The following LPP variants were observed in gnomAD, a reference collection of about 807,000 sequenced individuals.
LPP encodes LIM domain containing preferred translocation partner in lipoma.
Under a neutral mutation model 60.4 loss-of-function variants are expected in LPP, and 38 were observed. That is an observed-to-expected ratio of 0.63 (90% CI 0.49 to 0.83). The LOEUF (loss-of-function observed/expected upper bound fraction) is 0.83, where lower values mean the gene tolerates loss of function less well. Among genes scored for constraint, LPP ranks in the 40% least tolerant of loss-of-function variants. The probability of loss-of-function intolerance (pLI) is 0.00; values close to 1 mark genes in which losing one functional copy is unlikely to be tolerated. For missense variants in LPP, 902 were observed against 783.6 expected (o/e 1.15, Z -1.80); for synonymous variants, 328 against 290.8 (o/e 1.13, Z -1.30).
intron 9 of LPP, among the ~76,000 whole-genome samples, chr3:188,781,180 T>C (rs1560195477): frequency 6.6e-6 from 1 of 152,220 alleles, no homozygotes; most frequent in African/African-American, 2.4e-5. Context: ...AAAATTATAT[T>C]TGGAACAGTG....
chr3:188,800,588 C>T (rs891533489), intron 9 of LPP, among the ~76,000 whole-genome samples: 1 of 152,126 alleles, frequency 6.6e-6, no homozygotes, highest in Non-Finnish European at 1.5e-5. Flanking sequence ...TTTTCCAAGT[C>T]AAAAGTGTAT....
rs1833819962 is a variant in LPP, at chr3:188,572,828, G to A, written c.430-36333G>A. Among the ~76,000 whole-genome samples, 1 of 152,070 alleles carries A rather than the reference G, an allele frequency of 6.6e-6. No individual in the cohort carries two copies. Among genetic ancestry groups the A allele is most frequent in the Admixed American group, 6.6e-5 (1 of 15,244 alleles). On this transcript the variant is annotated intron_variant, in intron 6 of 11. Coordinates refer to ENST00000617246, the MANE Select transcript of LPP (RefSeq NM_001375462.1). This position sits in a 1 kb window ranked among gnomAD's most constrained non-coding sequence, Gnocchi z 4.1. ...GCTACTTGTTCATCATAGGACAGAA[G>A]GAGTTCTTTGCAGACTAATAGTTGT...
At chr3:188,763,251 C>CTT (rs547373113) in intron 9 of LPP, among the ~76,000 whole-genome samples, 11 of 141,632 alleles carry the variant, frequency 7.8e-5, no homozygotes, top group Non-Finnish European at 1.4e-4. Flanking sequence ...GTGTGCCTGT[C>CTT]TTTTTTTTTT....
intron 7 of LPP, among the ~76,000 whole-genome samples, chr3:188,619,563 G>C (rs1481872906): frequency 6.6e-6 from 1 of 152,172 alleles, no homozygotes; most frequent in Non-Finnish European, 1.5e-5. Flanking sequence ...TTGAAATACA[G>C]CCATACTCGC....
chr3:188,230,879 TC>T (rs1156950850), intron 2 of LPP, among the ~76,000 whole-genome samples: 1 of 152,096 alleles, frequency 6.6e-6, no homozygotes, highest in Non-Finnish European at 1.5e-5. Context: ...CACATCGCAG[TC>T]CAGGTGTTGC....
intron 9 of LPP, among the ~76,000 whole-genome samples, chr3:188,863,911 T>C (rs1765895923): frequency 6.7e-6 from 1 of 148,206 alleles, no homozygotes; most frequent in Non-Finnish European, 1.5e-5. Context: ...AAACATTTTC[T>C]GGCCAAACAT....
chr3:188,329,292 T>C (rs1372825559), intron 2 of LPP, among the ~76,000 whole-genome samples: 1 of 152,204 alleles, frequency 6.6e-6, no homozygotes, highest in Non-Finnish European at 1.5e-5. Flanking sequence ...TCTTTTCTTT[T>C]GATTTCCTGC....
chr3:188,812,134 TA>T (rs1751181776), intron 9 of LPP, among the ~76,000 whole-genome samples: 1 of 152,174 alleles, frequency 6.6e-6, no homozygotes, highest in Non-Finnish European at 1.5e-5. Flanking sequence ...AGATATTCTA[TA>T]AATATATTTT....
rs1315932022 is a variant in LPP, at chr3:188,415,932, G to A, written c.193+9619G>A. On this transcript the variant is annotated intron_variant, in intron 4 of 11. Coordinates refer to ENST00000617246, the MANE Select transcript of LPP (RefSeq NM_001375462.1). ...TGTATGCACACACAAATCAATGCAG[G>A]TTATAAAATGGTAAAAACTGAGTAA... Among the ~76,000 whole-genome samples, 13 of 152,102 alleles carry A rather than the reference G, an allele frequency of 8.5e-5. No individual in the cohort carries two copies. In the East Asian group the frequency reaches 2.3e-3, roughly 27 times the overall value.
At chr3:188,571,338 T>TTATA (rs1173275267) in intron 6 of LPP, among the ~76,000 whole-genome samples, 1 of 152,062 alleles carries the variant, frequency 6.6e-6, no homozygotes, top group Non-Finnish European at 1.5e-5. Flanking sequence ...TAGATAGATG[T>TTATA]TATATATCTG....
rs1734589355 is a variant in LPP, at chr3:188,211,149, A to T, written c.-189-14256A>T. On this transcript the variant is annotated intron_variant, in intron 1 of 11. Transcript: ENST00000617246. Reference sequence around the variant, plus strand: ...TGCTTTTAGGACACATGATTGGACCATTTCTAGATATCTGCCTAATTTGTA... The same window carrying T: ...TGCTTTTAGGACACATGATTGGACCTTTTCTAGATATCTGCCTAATTTGTA... 2.0e-5 allele frequency among the ~76,000 whole-genome samples: 3 copies of T among 152,322 alleles called. No homozygotes were observed. The South Asian group carries it at 6.2e-4, about 32-fold the overall frequency.
At chr3:188,460,748 T>A (rs1381732169) in intron 4 of LPP, among the ~76,000 whole-genome samples, 1 of 152,164 alleles carries the variant, frequency 6.6e-6, no homozygotes, top group Non-Finnish European at 1.5e-5. Context: ...TCTGAAATTG[T>A]GTAATTAGTG....
chr3:188,650,887 G>C (rs1433704310), intron 7 of LPP, among the ~76,000 whole-genome samples: 2 of 152,108 alleles, frequency 1.3e-5, no homozygotes, highest in Non-Finnish European at 2.9e-5. Flanking sequence ...TCTGATTTCT[G>C]TCTACTTGGT....
intron 9 of LPP, among the ~76,000 whole-genome samples, chr3:188,825,666 G>A (rs1224607239): frequency 2.6e-5 from 4 of 152,040 alleles, no homozygotes; most frequent in Non-Finnish European, 5.9e-5. Context: ...GGTCACCACA[G>A]CCTTAACCGA....
intron 1 of LPP, among the ~76,000 whole-genome samples, chr3:188,160,254 G>A (rs1560070156): frequency 6.6e-6 from 1 of 151,398 alleles, no homozygotes; most frequent in Non-Finnish European, 1.5e-5. Context: ...TAGTGCAATG[G>A]CCCGATCTCG....
intron 9 of LPP, among the ~76,000 whole-genome samples, chr3:188,813,995 C>T (rs1015304597): frequency 6.6e-6 from 1 of 152,036 alleles, no homozygotes; most frequent in Non-Finnish European, 1.5e-5. Context: ...TCACTTGAAC[C>T]GGGGAGACAG....
At chr3:188,776,336 C>T (rs1247053870) in intron 9 of LPP, among the ~76,000 whole-genome samples, 1 of 152,152 alleles carries the variant, frequency 6.6e-6, no homozygotes, top group Non-Finnish European at 1.5e-5. Flanking sequence ...TGAATGAGAA[C>T]AGTTCCAATA....
At chr3:188,556,505 T>C (rs916964928) in intron 6 of LPP, among the ~76,000 whole-genome samples, 1 of 152,130 alleles carries the variant, frequency 6.6e-6, no homozygotes, top group South Asian at 2.1e-4. Context: ...CTAACATCTA[T>C]AAAATTACAC....
At chr3:188,868,819 T>C (rs78114488) in intron 10 of LPP, among the ~76,000 whole-genome samples, 2,259 of 152,318 alleles carry the variant, frequency 0.015, 52 homozygotes, top group African/African-American at 0.051. Context: ...CAACTCACAT[T>C]TATAAAGAAC....
Sources: gnomAD v4.1 joint callset for allele counts (sites outside exome capture counted in the v4.1 genomes callset) on GRCh38, gnomAD v4.1.1 for gene constraint, Gnocchi (gnomAD v3.1) non-coding constraint, MANE v1.5 for transcripts, NCBI Gene and HGNC (gene_info 2026-07-23, HGNC 2026-07-21) for gene names.